The following MAP3K2 variants were observed in gnomAD, a reference collection of about 807,000 sequenced individuals.
MAP3K2 encodes the protein mitogen-activated protein kinase kinase kinase 2.
A neutral mutation model predicts 80.3 loss-of-function variants in MAP3K2; 24 were observed. The ratio of observed to expected loss-of-function variants is 0.30; its 90% CI spans 0.22 to 0.42. MAP3K2 has a LOEUF of 0.42. Among genes scored for constraint, MAP3K2 ranks in the 10% least tolerant of loss-of-function variants. The probability of loss-of-function intolerance (pLI) is 1.00; values close to 1 mark genes in which losing one functional copy is unlikely to be tolerated. For synonymous variants in MAP3K2, 244 were observed against 253.7 expected, an observed-to-expected ratio of 0.96 and a Z score of 0.36; for missense variants, 608 against 750.1, an observed-to-expected ratio of 0.81 and a Z score of 2.21.
rs1687405189 is a variant in MAP3K2 at position 127,387,956 on chromosome 2, AC to A, written c.-571del. On this transcript the variant is annotated 5_prime_UTR_variant, in exon 1 of 17. The change creates a new upstream start codon in the 5' untranslated region. Transcript: ENST00000682094. ...GCTGAGGGCAGGCAGCCCGGCAGCCACTACACACGGACCCGTGACGTCGGGC... is the reference window on the plus strand; with the variant it reads ...GCTGAGGGCAGGCAGCCCGGCAGCCATACACACGGACCCGTGACGTCGGGC... 1.2e-5 allele frequency: 12 copies of A among 984,418 alleles called. No homozygotes were observed. The highest frequency in any genetic ancestry group is 1.2e-5 in the Non-Finnish European group (10 of 829,590). 61.0% of individuals were successfully genotyped at this position (984,418 alleles called of 1,614,324 possible). A position where few individuals can be genotyped will look rare whatever the true frequency, so the allele number is the denominator to read the frequency against.
At chr2:127,340,130 T>C (rs547994879) in intron 2 of MAP3K2, among the ~76,000 whole-genome samples, 1 of 152,336 alleles carries the variant, frequency 6.6e-6, no homozygotes, top group African/African-American at 2.4e-5. Context: ...TTAAAAGTAA[T>C]GGTTGCCATG....
intron 2 of MAP3K2, among the ~76,000 whole-genome samples, chr2:127,341,530 GTT>G (rs1341901292): frequency 4.2e-4 from 38 of 91,118 alleles, no homozygotes; most frequent in African/African-American, 1.6e-3. Flanking sequence ...TTTTTTTGTT[GTT>G]TTTTTTTTTT....
chr2:127,317,812 A>G, intron 13 of MAP3K2, 52 bp from the exon 14 acceptor site: 1 of 1,525,268 alleles, frequency 6.6e-7, no homozygotes, highest in East Asian at 2.3e-5. Flanking sequence ...TAAAAGCAAA[A>G]AATTCTAACT....
chr2:127,386,374 C>T (rs1427204735), intron 1 of MAP3K2, among the ~76,000 whole-genome samples: 1 of 152,200 alleles, frequency 6.6e-6, no homozygotes, highest in Non-Finnish European at 1.5e-5. Context: ...CATCAAACTT[C>T]CTACGATATT....
At chr2:127,342,155 AAAG>A (rs1686505220) in intron 2 of MAP3K2, among the ~76,000 whole-genome samples, 1 of 152,216 alleles carries the variant, frequency 6.6e-6, no homozygotes, top group African/African-American at 2.4e-5. Flanking sequence ...TAAAAAGTTG[AAAG>A]AAGTTCAGTA....
chr2:127,344,679 T>C (rs138676409), intron 1 of MAP3K2, among the ~76,000 whole-genome samples: 1,799 of 152,114 alleles, frequency 0.012, 34 homozygotes, highest in African/African-American at 0.041. Flanking sequence ...TTTAAAAAAT[T>C]GTATAAAATT....
chr2:127,362,911 G>A (rs759949969), intron 1 of MAP3K2, among the ~76,000 whole-genome samples: 2 of 152,120 alleles, frequency 1.3e-5, no homozygotes, highest in Non-Finnish European at 2.9e-5. Context: ...ACTACAGTTG[G>A]CCCTCCCTAT....
intron 5 of MAP3K2, among the ~76,000 whole-genome samples, chr2:127,332,312 A>C (rs11680603): frequency 0.024 from 3,666 of 152,324 alleles, 63 homozygotes; most frequent in Non-Finnish European, 0.038. Context: ...GGAAAATCTG[A>C]ATACTTACTT....
At chr2:127,386,461 C>T (rs1334868782) in intron 1 of MAP3K2, among the ~76,000 whole-genome samples, 4 of 152,196 alleles carry the variant, frequency 2.6e-5, no homozygotes, top group Non-Finnish European at 5.9e-5. Flanking sequence ...GCCACATAAT[C>T]CAGCAACAAA....
At position 127,321,942 on chromosome 2, in the gene MAP3K2, T is replaced by C; in HGVS notation, c.1045+104A>G. 1.0e-6 allele frequency: 1 copy of C among 960,430 alleles called. No homozygotes were observed. The highest frequency in any genetic ancestry group is 1.6e-6 in the Non-Finnish European group (1 of 626,118). The allele number at this position is 960,430 out of a possible 1,614,324, so 59.5% of individuals were successfully genotyped here. A position where few individuals can be genotyped will look rare whatever the true frequency, so the allele number is the denominator to read the frequency against. On this transcript the variant is annotated intron_variant, in intron 12 of 16. Coordinates refer to ENST00000682094, the MANE Select transcript of MAP3K2 (RefSeq NM_001371910.2). The surrounding 1 kb of genome is among the most constrained non-coding windows in gnomAD (Gnocchi z 4.4). ...CACCATTATTACCTTTTTTGAGTAG[T>C]TCATCTGACCCCAAAAACTCACTTA...
rs552632223 is a variant in MAP3K2, at chr2:127,331,197, T to C, written c.265-692A>G. ...AGAGGACAAAAGCACCTAAGAGGTC[T>C]ATGAGAAAAAGTGTAATTCATACAA... On this transcript the variant is annotated intron_variant, in intron 5 of 16. Transcript: ENST00000682094. Among the ~76,000 whole-genome samples the C allele has an allele frequency of 3.9e-5, 6 of 152,294 alleles. No individual in the cohort carries two copies. The South Asian group carries it at 1.0e-3, about 26-fold the overall frequency.
At chr2:127,338,896 AGTAAT>A in intron 3 of MAP3K2, 31 bp downstream of exon 3, 1 of 1,344,714 alleles carries the variant, frequency 7.4e-7, no homozygotes, top group Non-Finnish European at 1.0e-6. Flanking sequence ...ATTAAAGGAA[AGTAAT>A]TCATAAAAAA....
chr2:127,385,066 G>A (rs567760700), intron 1 of MAP3K2, among the ~76,000 whole-genome samples: 2 of 151,666 alleles, frequency 1.3e-5, no homozygotes, highest in South Asian at 4.2e-4. Flanking sequence ...TAGATGATAG[G>A]TGATAAGCAA....
Position 127,318,293 on chromosome 2 carries a change from C to T in MAP3K2, c.1070G>A (p.Arg357Lys). The change falls in exon 13 of 17, where the codon AGA (arginine) becomes AAA (lysine). Residue 357 changes from arginine to lysine, a missense_variant. Around this residue, in one of 4 missense-constraint regions of MAP3K2, gnomAD observed 467 missense variants for 521.9 expected, o/e 0.89. Transcript: ENST00000682094. ...TCCTTGGCCAAGCAGTTTGCCCAATCTCCAGTTGGTCGGAGCTCGAGGTGC... is the reference window on the plus strand; with the variant it reads ...TCCTTGGCCAAGCAGTTTGCCCAATTTCCAGTTGGTCGGAGCTCGAGGTGC... The part of the protein sequence containing the change: ...SRSPRAPTNW[R>K]LGKLLGQGAF... 6.2e-7 allele frequency: 1 copy of T among 1,601,356 alleles called. No homozygotes were observed. The highest frequency in any genetic ancestry group is 8.5e-7 in the Non-Finnish European group (1 of 1,175,434).
chr2:127,351,383 A>G (rs544230092), intron 1 of MAP3K2, among the ~76,000 whole-genome samples: 3 of 152,246 alleles, frequency 2.0e-5, no homozygotes, highest in Non-Finnish European at 4.4e-5. Context: ...AATCAAAACA[A>G]ATTTCTTTAT....
At chr2:127,378,420 T>G (rs1023693768) in intron 1 of MAP3K2, among the ~76,000 whole-genome samples, 1 of 152,228 alleles carries the variant, frequency 6.6e-6, no homozygotes, top group Non-Finnish European at 1.5e-5. Context: ...TACTGAACAT[T>G]CACCACTAGT....
Position 127,307,382 on chromosome 2 carries a change from GA to G in MAP3K2, c.*196del. On this transcript the variant is annotated 3_prime_UTR_variant, in exon 17 of 17. Transcript: ENST00000682094. The surrounding 1 kb of genome is among the most constrained non-coding windows in gnomAD (Gnocchi z 5.4). ...AAAAAAACTTCAAGTTCTTGTAAGG[GA>G]AAAAAAGATTAAATATAAAAAATTT... 2.8e-6 allele frequency: 1 copy of G among 358,226 alleles called. No homozygotes were observed. The highest frequency in any genetic ancestry group is 4.9e-6 in the Non-Finnish European group (1 of 203,104). 22.2% of individuals were successfully genotyped at this position (358,226 alleles called of 1,614,324 possible). A position where few individuals can be genotyped will look rare whatever the true frequency, so the allele number is the denominator to read the frequency against.
Position 127,307,830 on chromosome 2 carries a change from T to C in MAP3K2, c.1635-26A>G. On this transcript the variant is annotated intron_variant, in intron 16 of 16. Transcript: ENST00000682094. This position sits in a 1 kb window ranked among gnomAD's most constrained non-coding sequence, Gnocchi z 5.4. ...CTGAAAAGAAACAAAAAGAAATACA[T>C]TACACAAACAACAACATGAAAGAAA... The C allele has an allele frequency of 6.8e-7, 1 of 1,471,144 alleles. No individual in the cohort carries two copies. Among genetic ancestry groups the C allele is most frequent in the Non-Finnish European group, 9.3e-7 (1 of 1,073,348 alleles). 91.1% of individuals were successfully genotyped at this position (1,471,144 alleles called of 1,614,324 possible). A position where few individuals can be genotyped will look rare whatever the true frequency, so the allele number is the denominator to read the frequency against.
chr2:127,318,209 T>C lies in MAP3K2; in HGVS notation c.1154A>G (p.Lys385Arg), dbSNP rs775359677. 6.2e-7 allele frequency: 1 copy of C among 1,611,036 alleles called. No homozygotes were observed. Among genetic ancestry groups the C allele is most frequent in the Non-Finnish European group, 8.5e-7 (1 of 1,178,802 alleles). ...DVDTGRELAV[K>R]QVQFDPDSPE... ...ACTATCGGGGTCAAATTGAACTTGC[T>C]TAACAGCCAATTCTCTTCCTGTATC... is the stretch of plus-strand genomic sequence containing the variant. The change falls in exon 13 of 17, where the codon AAG (lysine) becomes AGG (arginine). Residue 385 changes from lysine to arginine, a missense_variant. By Grantham distance (26) the Lys-to-Arg change is conservative. Around this residue, in one of 4 missense-constraint regions of MAP3K2, gnomAD observed 467 missense variants for 521.9 expected, o/e 0.89. Transcript: ENST00000682094.
Sources: allele counts gnomAD v4.1 joint callset (sites outside exome capture counted in the v4.1 genomes callset), GRCh38; gene constraint gnomAD v4.1.1; regional missense constraint gnomAD v4.1.1; non-coding constraint Gnocchi (gnomAD v3.1); transcripts MANE v1.5; gene names NCBI Gene and HGNC (gene_info 2026-07-23, HGNC 2026-07-21).